Variants in DCC observed in about 807,000 individuals in gnomAD.
The protein encoded by DCC is netrin receptor DCC.
DCC carries 58 observed loss-of-function variants against 172.5 expected under a neutral mutation model. The ratio of observed to expected loss-of-function variants is 0.34; its 90% CI spans 0.27 to 0.42. DCC has a LOEUF of 0.42. Ranked by LOEUF, DCC falls within the 10% of genes least tolerant of loss-of-function variation. DCC has a pLI of 1.00. For synonymous variants in DCC, 709 were observed against 644.5 expected (o/e 1.10, Z -1.52); for missense variants, 1,740 against 1,791.0 (o/e 0.97, Z 0.51).
At chr18:53,404,527 C>T (rs1295295889) in intron 19 of DCC, among the ~76,000 whole-genome samples, 3 of 151,808 alleles carry the variant, frequency 2.0e-5, no homozygotes, top group Non-Finnish European at 1.5e-5. Context: ...GTCAGGAGAT[C>T]GAGACCATCC....
intron 5 of DCC, among the ~76,000 whole-genome samples, chr18:52,958,061 G>C (rs2040775844): frequency 6.6e-6 from 1 of 152,128 alleles, no homozygotes; most frequent in Non-Finnish European, 1.5e-5. Context: ...ATGAAGTGCA[G>C]CAGGAAAGCA....
At chr18:53,410,303 A>G (rs940012340) in intron 19 of DCC, 149 bp from the exon 20 acceptor site, 18 of 635,376 alleles carry the variant, frequency 2.8e-5, no homozygotes, top group Non-Finnish European at 4.9e-5. Context: ...GCATTATGAA[A>G]AAAAGACATT....
intron 16 of DCC, among the ~76,000 whole-genome samples, chr18:53,388,579 C>T (rs949434354): frequency 4.6e-5 from 7 of 152,238 alleles, no homozygotes; most frequent in African/African-American, 7.2e-5. Flanking sequence ...GAAAGTCTCA[C>T]GTGGCCACAT....
At chr18:52,923,671 T>C in intron 3 of DCC, 36 bp from the exon 4 acceptor site, 1 of 1,501,922 alleles carries the variant, frequency 6.7e-7, no homozygotes. Flanking sequence ...GCAATGTTTT[T>C]CATATATCAT....
At chr18:52,794,259 G>C (rs11082945) in intron 2 of DCC, among the ~76,000 whole-genome samples, 73 of 152,096 alleles carry the variant, frequency 4.8e-4, no homozygotes, top group African/African-American at 1.7e-3. Flanking sequence ...GGGAAGGATG[G>C]CTATTTTAAA....
At chr18:53,060,556 G>C (rs952112317) in intron 5 of DCC, among the ~76,000 whole-genome samples, 1 of 152,052 alleles carries the variant, frequency 6.6e-6, no homozygotes, top group Admixed American at 6.6e-5. Context: ...TCACATATAC[G>C]TTTGTAATCA....
chr18:53,334,699 G>A (rs1379882492), intron 14 of DCC, among the ~76,000 whole-genome samples: 3 of 152,106 alleles, frequency 2.0e-5, no homozygotes, highest in African/African-American at 7.2e-5. Context: ...TTTGTGATTG[G>A]CCTATTTCAT....
chr18:52,582,644 G>C lies in DCC; in HGVS notation c.92-169410G>C, dbSNP rs1002094219. Among the ~76,000 whole-genome samples, 6 of 152,214 alleles carry C rather than the reference G, an allele frequency of 3.9e-5. 1 individual carries two copies. Among genetic ancestry groups the C allele is most frequent in the African/African-American group, 1.4e-4 (6 of 41,544 alleles). ...CTTTCTTATTCTCCATCACTTTGTG[G>C]GAACTAGATAAAAGATGACTAGGGA... is the stretch of plus-strand genomic sequence containing the variant. On this transcript the variant is annotated intron_variant, in intron 1 of 28. Transcript: ENST00000442544.
At position 53,459,375 on chromosome 18, in the gene DCC, C is replaced by T; in HGVS notation, c.3536C>T (p.Pro1179Leu). The T allele has an allele frequency of 1.2e-6, 2 of 1,613,980 alleles. No individual in the cohort carries two copies. The highest frequency in any genetic ancestry group is 2.2e-5 in the South Asian group (2 of 91,068). ...SGTDPAGRDS[P>L]IQSCQDLTPV... is the part of the protein sequence containing the mutation. Reference sequence around the variant, plus strand: ...ACTGACCCTGCAGGAAGGGACTCTCCCATCCAAAGTTGCCAAGACCTCACA... The same window carrying T: ...ACTGACCCTGCAGGAAGGGACTCTCTCATCCAAAGTTGCCAAGACCTCACA... The change falls in exon 24 of 29, where the codon CCC becomes CTC. Residue 1179 changes from proline (P) to leucine (L), a missense_variant. Around this residue, in one of 2 missense-constraint regions of DCC, gnomAD observed 1,732 missense variants for 1,767.4 expected, o/e 0.98. Transcript: ENST00000442544.
chr18:52,611,284 G>T (rs1332383461), intron 1 of DCC, among the ~76,000 whole-genome samples: 2 of 152,008 alleles, frequency 1.3e-5, no homozygotes, highest in Non-Finnish European at 2.9e-5. Context: ...GTTCTTAGGA[G>T]TTCATCAAGG....
chr18:53,360,843 T>C (rs903162894), intron 15 of DCC, among the ~76,000 whole-genome samples: 13 of 152,192 alleles, frequency 8.5e-5, no homozygotes, highest in Non-Finnish European at 1.3e-4. Context: ...GCCTCCTTCA[T>C]AATTAGCAGA....
At chr18:52,560,890 G>A (rs1015453330) in intron 1 of DCC, among the ~76,000 whole-genome samples, 4 of 152,088 alleles carry the variant, frequency 2.6e-5, no homozygotes, top group African/African-American at 7.2e-5. Flanking sequence ...GAATTCAAAT[G>A]TCTTAACAGA....
intron 25 of DCC, among the ~76,000 whole-genome samples, chr18:53,476,100 G>A (rs886822650): frequency 2.0e-5 from 3 of 152,196 alleles, no homozygotes; most frequent in Non-Finnish European, 2.9e-5. Context: ...TGGAACGGCT[G>A]TATTTACCAA....
At chr18:53,269,120 G>T (rs769853737) in intron 12 of DCC, among the ~76,000 whole-genome samples, 1 of 152,048 alleles carries the variant, frequency 6.6e-6, no homozygotes, top group Non-Finnish European at 1.5e-5. Context: ...GCATGCACGC[G>T]CATGCCTGTG....
chr18:52,920,382 A>G (rs1439025971), intron 3 of DCC, among the ~76,000 whole-genome samples: 1 of 152,106 alleles, frequency 6.6e-6, no homozygotes, highest in Non-Finnish European at 1.5e-5. Context: ...AAAAATAGAT[A>G]AAAGATCTGA....
chr18:52,876,403 A>G (rs2039403411), intron 2 of DCC, among the ~76,000 whole-genome samples: 1 of 152,206 alleles, frequency 6.6e-6, no homozygotes, highest in Admixed American at 6.5e-5. Flanking sequence ...TTTGGCCTAT[A>G]AAGGCATACA....
chr18:52,478,811 A>G (rs28411261), intron 1 of DCC, among the ~76,000 whole-genome samples: 6,928 of 152,266 alleles, frequency 0.045, 201 homozygotes, highest in South Asian at 0.12. Flanking sequence ...TAAAGCACTC[A>G]TGAGAAATCC....
intron 1 of DCC, among the ~76,000 whole-genome samples, chr18:52,609,525 G>A (rs899660688): frequency 2.0e-5 from 3 of 152,030 alleles, no homozygotes; most frequent in Non-Finnish European, 1.5e-5. Flanking sequence ...GGATGGAGCT[G>A]GGTGTTAACA....
chr18:52,598,532 A>G (rs2033953056), intron 1 of DCC, among the ~76,000 whole-genome samples: 2 of 152,192 alleles, frequency 1.3e-5, no homozygotes, highest in African/African-American at 4.8e-5. Context: ...ACTATGGAGC[A>G]CCAGGATGTA....
Sources: gnomAD v4.1 joint callset for allele counts (sites outside exome capture counted in the v4.1 genomes callset) on GRCh38, gnomAD v4.1.1 for gene constraint, gnomAD v4.1.1 regional missense constraint, MANE v1.5 for transcripts, NCBI Gene and HGNC (gene_info 2026-07-23, HGNC 2026-07-21) for gene names.